Variants in PTPRS observed in about 807,000 individuals in gnomAD.
PTPRS encodes protein tyrosine phosphatase receptor type S.
In PTPRS, 63 loss-of-function variants were observed where a neutral mutation model predicts 215.3. That is an observed-to-expected ratio of 0.29 (90% CI 0.24 to 0.36). PTPRS has a LOEUF of 0.36. PTPRS is among the 10% of genes least tolerant of loss of function. PTPRS has a pLI of 1.00. For synonymous variants in PTPRS, 1,404 were observed against 1,191.4 expected (o/e 1.18, Z -3.68); for missense variants, 2,258 against 2,825.8 (o/e 0.80, Z 4.56).
In PTPRS at chr19:5,339,192, CG is replaced by C. The variant is rs529295254; in HGVS notation, c.-95+1471del. 2.6e-3 allele frequency among the ~76,000 whole-genome samples: 391 copies of C among 150,378 alleles called. 2 individuals are homozygous for C. Among genetic ancestry groups the C allele is most frequent in the African/African-American group, 8.0e-3 (327 of 40,896 alleles). ...AGAAGGGGGCTCCCCTAGATTGTGA[CG>C]GGGGGGGACAGGGGAATCCCAGCTG... is the stretch of plus-strand genomic sequence containing the variant. On this transcript the variant is annotated intron_variant, in intron 1 of 37. Coordinates refer to ENST00000262963, the MANE Select transcript of PTPRS (RefSeq NM_002850.4). The surrounding 1 kb of genome is among the most constrained non-coding windows in gnomAD (Gnocchi z 4.2).
intron 12 of PTPRS, 35 bp downstream of exon 12, chr19:5,240,164 C>CCAGGG: frequency 2.0e-6 from 3 of 1,487,954 alleles, no homozygotes; most frequent in Non-Finnish European, 2.7e-6. Flanking sequence ...GGGGAGGAGC[C>CCAGGG]CAGGGCAGGC....
chr19:5,250,818 G>A (rs1034862035), intron 9 of PTPRS, among the ~76,000 whole-genome samples: 2 of 151,760 alleles, frequency 1.3e-5, no homozygotes, highest in African/African-American at 4.8e-5. Flanking sequence ...GGGAGTGGGG[G>A]CGAGGGTAAA....
At chr19:5,337,458 C>T (rs111640399) in intron 1 of PTPRS, among the ~76,000 whole-genome samples, 282 of 152,332 alleles carry the variant, frequency 1.9e-3, no homozygotes, top group African/African-American at 6.6e-3. Context: ...GCCATGCAGC[C>T]GCTGGAATAA....
intron 1 of PTPRS, among the ~76,000 whole-genome samples, chr19:5,330,883 T>C (rs917924385): frequency 1.3e-5 from 2 of 152,138 alleles, no homozygotes; most frequent in Non-Finnish European, 2.9e-5. Context: ...CCAGCACTGT[T>C]GCCGGAAACC....
chr19:5,258,599 G>A (rs891651389), intron 7 of PTPRS, among the ~76,000 whole-genome samples: 1 of 152,194 alleles, frequency 6.6e-6, no homozygotes, highest in Non-Finnish European at 1.5e-5. Context: ...GTTTCATTAG[G>A]TGCCCGTGAG....
In PTPRS at chr19:5,243,763, C is replaced by T. The variant is rs970085527; in HGVS notation, c.1570+138G>A. Reference sequence around the variant, plus strand: ...CTGAGATTACAGGCGTAAACCACCACACCCGGCCTAAATGCTAGCATGAAA... The same window carrying T: ...CTGAGATTACAGGCGTAAACCACCATACCCGGCCTAAATGCTAGCATGAAA... On this transcript the variant is annotated intron_variant, in intron 11 of 37. Coordinates refer to ENST00000262963, the MANE Select transcript of PTPRS (RefSeq NM_002850.4). 3.4e-6 allele frequency: 3 copies of T among 870,206 alleles called. No individual in the cohort carries two copies. The African/African-American group carries it at 5.2e-5, about 15-fold the overall frequency. The allele number at this position is 870,206 out of a possible 1,614,324, so 53.9% of individuals were successfully genotyped here. A position where few individuals can be genotyped will look rare whatever the true frequency, so the allele number is the denominator to read the frequency against.
rs930416291 is a variant in PTPRS, at chr19:5,214,671, T to C, written c.4384A>G (p.Ile1462Val). Residue 1462 changes from isoleucine to valine, a missense_variant, in exon 29 of 38, where the codon ATT (isoleucine) becomes GTT (valine). Around this residue, in one of 6 missense-constraint regions of PTPRS, gnomAD observed 927 missense variants for 1,125.9 expected, o/e 0.82. Transcript: ENST00000262963. ...TCAGGCAGCGGCCCCTGCGTGGCAA[T>C]GTACGCGTTCTGACACCGGTAGCCG... ...VDGYRCQNAYIATQGPLPETF... is the reference protein window; with the variant it reads ...VDGYRCQNAYVATQGPLPETF... The C allele has an allele frequency of 3.8e-5, 61 of 1,613,034 alleles. 1 individual carries two copies. Among genetic ancestry groups the C allele is most frequent in the Non-Finnish European group, 4.9e-5 (58 of 1,179,924 alleles).
intron 2 of PTPRS, among the ~76,000 whole-genome samples, chr19:5,276,743 C>T (rs1035880935): frequency 6.6e-6 from 1 of 151,670 alleles, no homozygotes; most frequent in African/African-American, 2.4e-5. Context: ...GGGGTTTCAC[C>T]GTGTTAGCCA....
At chr19:5,284,985 A>G (rs960123702) in intron 2 of PTPRS, among the ~76,000 whole-genome samples, 2 of 152,184 alleles carry the variant, frequency 1.3e-5, no homozygotes, top group African/African-American at 2.4e-5. Context: ...CAGCATGAAA[A>G]TAAGAAAAAG....
Position 5,231,374 on chromosome 19 carries a change from G to C in PTPRS, c.2091C>G (p.Val697=). ...EKWTQYRITT[V]AHTEVGPGPE... is the part of the protein sequence containing the mutation. ...GCCCTGGTCCCACCTCTGTGTGAGC[G>C]ACAGTCGTGATGCGGTACTGGGTCC... The change falls in exon 14 of 38, where the codon GTC becomes GTG. Residue 697 remains valine (V), a synonymous_variant. Coordinates refer to ENST00000262963, the MANE Select transcript of PTPRS (RefSeq NM_002850.4). 6.2e-7 allele frequency: 1 copy of C among 1,612,852 alleles called. No homozygotes were observed. The highest frequency in any genetic ancestry group is 8.5e-7 in the Non-Finnish European group (1 of 1,179,916).
intron 13 of PTPRS, among the ~76,000 whole-genome samples, chr19:5,234,052 T>C (rs562763740): frequency 6.8e-6 from 1 of 146,240 alleles, no homozygotes. Flanking sequence ...ATGTGCCAGG[T>C]GTCATGCCAA....
intron 4 of PTPRS, among the ~76,000 whole-genome samples, chr19:5,267,899 G>C (rs937509079): frequency 1.3e-5 from 2 of 152,130 alleles, no homozygotes; most frequent in Admixed American, 6.6e-5. Context: ...GCCGGGCACA[G>C]TGGGTCACGC....
intron 14 of PTPRS, among the ~76,000 whole-genome samples, chr19:5,229,909 C>CG (rs1471959877): frequency 2.0e-5 from 3 of 151,894 alleles, no homozygotes; most frequent in Admixed American, 1.3e-4. Context: ...CAGGCTGCCC[C>CG]CCCCCGAGTC....
chr19:5,224,455 G>A (rs1239480803), intron 17 of PTPRS, among the ~76,000 whole-genome samples: 2 of 152,176 alleles, frequency 1.3e-5, no homozygotes, highest in Admixed American at 6.5e-5. Flanking sequence ...ATACCCATGG[G>A]ACATAAAGAA....
At chr19:5,271,873 C>T (rs553975285) in intron 4 of PTPRS, among the ~76,000 whole-genome samples, 13 of 152,014 alleles carry the variant, frequency 8.6e-5, no homozygotes, top group East Asian at 1.9e-4. Flanking sequence ...TACAGGTGCA[C>T]GTCACCTCAC....
intron 4 of PTPRS, among the ~76,000 whole-genome samples, chr19:5,272,674 A>G (rs996032743): frequency 1.4e-5 from 2 of 145,406 alleles, no homozygotes; most frequent in Non-Finnish European, 3.0e-5. Flanking sequence ...GCAGCACTGC[A>G]GGCCCGTGTG....
chr19:5,246,664 A>T (rs1482901103), intron 9 of PTPRS, among the ~76,000 whole-genome samples: 1 of 152,162 alleles, frequency 6.6e-6, no homozygotes, highest in African/African-American at 2.4e-5. Flanking sequence ...AGGCCAGGAG[A>T]CAGAGGGAGC....
At chr19:5,275,449 C>T (rs1393457217) in intron 2 of PTPRS, among the ~76,000 whole-genome samples, 7 of 151,212 alleles carry the variant, frequency 4.6e-5, no homozygotes, top group African/African-American at 1.5e-4. Flanking sequence ...TGCAGTGGCA[C>T]GGTCTTGGCT....
intron 1 of PTPRS, among the ~76,000 whole-genome samples, chr19:5,331,038 G>C (rs1038956593): frequency 2.6e-5 from 4 of 151,460 alleles, no homozygotes; most frequent in Non-Finnish European, 2.9e-5. Flanking sequence ...GTCAGGGAGC[G>C]TGTTGGGTGG....
Sources: gnomAD v4.1 joint callset for allele counts (sites outside exome capture counted in the v4.1 genomes callset) on GRCh38, gnomAD v4.1.1 for gene constraint, gnomAD v4.1.1 regional missense constraint, Gnocchi (gnomAD v3.1) non-coding constraint, MANE v1.5 for transcripts, NCBI Gene and HGNC (gene_info 2026-07-23, HGNC 2026-07-21) for gene names.